Variants in MCTP1 observed in about 807,000 individuals in gnomAD.
The protein encoded by MCTP1 is multiple C2 and transmembrane domain-containing protein 1.
A neutral mutation model predicts 120.6 loss-of-function variants in MCTP1; 69 were observed. The ratio of observed to expected loss-of-function variants is 0.57; its 90% confidence interval spans 0.47 to 0.70. The LOEUF is 0.70. Ranked by LOEUF, MCTP1 falls within the 30% of genes least tolerant of loss-of-function variation. The probability of loss-of-function intolerance (pLI) is 0.00; values close to 1 mark genes in which losing one functional copy is unlikely to be tolerated. For missense variants in MCTP1, 1,203 were observed against 1,248.8 expected (o/e 0.96, Z 0.55); for synonymous variants, 529 against 493.1 (o/e 1.07, Z -0.96).
intron 1 of MCTP1, among the ~76,000 whole-genome samples, chr5:95,076,695 A>G (rs1181566209): frequency 2.6e-5 from 4 of 152,242 alleles, no homozygotes; most frequent in Non-Finnish European, 4.4e-5. Flanking sequence ...TGTATTTCAA[A>G]TAACACAACG....
intron 1 of MCTP1, among the ~76,000 whole-genome samples, chr5:95,146,591 C>G (rs1291006759): frequency 6.6e-6 from 1 of 152,070 alleles, no homozygotes; most frequent in Non-Finnish European, 1.5e-5. Flanking sequence ...TCTTTATTTT[C>G]ATTAATTTTA....
intron 17 of MCTP1, among the ~76,000 whole-genome samples, chr5:94,830,859 A>G (rs1258645857): frequency 6.6e-6 from 1 of 152,166 alleles, no homozygotes; most frequent in African/African-American, 2.4e-5. Flanking sequence ...GTGAATAAAC[A>G]CTGCATATAG....
intron 17 of MCTP1, among the ~76,000 whole-genome samples, chr5:94,855,891 T>C (rs1177662638): frequency 6.6e-6 from 1 of 151,508 alleles, no homozygotes; most frequent in African/African-American, 2.4e-5. Flanking sequence ...AGAATGATAT[T>C]TTACATAACA....
At chr5:94,944,196 A>T (rs1818399289) in intron 3 of MCTP1, among the ~76,000 whole-genome samples, 1 of 152,270 alleles carries the variant, frequency 6.6e-6, no homozygotes, top group South Asian at 2.1e-4. Context: ...TTAAGTAATA[A>T]GCTCCCTTAA....
chr5:94,913,754 G>GA (rs1309444982), intron 8 of MCTP1, among the ~76,000 whole-genome samples: 1 of 151,742 alleles, frequency 6.6e-6, no homozygotes, highest in Non-Finnish European at 1.5e-5. Context: ...ACCCAGGCTG[G>GA]AGTGCAGGGG....
chr5:94,999,609 T>C (rs1251565055), intron 2 of MCTP1, among the ~76,000 whole-genome samples: 4 of 152,174 alleles, frequency 2.6e-5, no homozygotes, highest in African/African-American at 7.2e-5. Context: ...TCAATTAAAA[T>C]TGATCCTCTT....
chr5:95,155,609 T>A (rs1745030669), intron 1 of MCTP1, among the ~76,000 whole-genome samples: 1 of 151,936 alleles, frequency 6.6e-6, no homozygotes, highest in South Asian at 2.1e-4. Context: ...AGAGTTACAA[T>A]CCAGTTTAGG....
chr5:95,121,729 G>A (rs1036572938), intron 1 of MCTP1, among the ~76,000 whole-genome samples: 4 of 151,936 alleles, frequency 2.6e-5, no homozygotes, highest in African/African-American at 9.6e-5. Context: ...TGGAAGAATC[G>A]TATTACCTGA....
At chr5:95,154,441 G>A (rs888196574) in intron 1 of MCTP1, among the ~76,000 whole-genome samples, 1 of 152,004 alleles carries the variant, frequency 6.6e-6, no homozygotes, top group South Asian at 2.1e-4. Flanking sequence ...GTGAAATAGA[G>A]GAATAGAATG....
chr5:95,186,839 C>G (rs562722311), intron 1 of MCTP1, among the ~76,000 whole-genome samples: 14 of 152,218 alleles, frequency 9.2e-5, no homozygotes, highest in Admixed American at 8.5e-4. Flanking sequence ...CAGAGAGAGC[C>G]ACAGAAGAGA....
intron 2 of MCTP1, among the ~76,000 whole-genome samples, chr5:95,005,505 GA>G (rs554137068): frequency 1.5e-3 from 233 of 152,238 alleles, no homozygotes; most frequent in Non-Finnish European, 2.8e-3. Context: ...TCCCAGTGTT[GA>G]AGGAGGGAGC....
At chr5:94,858,528 A>G (rs1795135438) in intron 17 of MCTP1, among the ~76,000 whole-genome samples, 1 of 151,454 alleles carries the variant, frequency 6.6e-6, no homozygotes, top group African/African-American at 2.4e-5. Flanking sequence ...CCAATTTTAC[A>G]CTCTTGGAAT....
Position 95,284,242 on chromosome 5 carries a change from C to G in MCTP1, c.334G>C (p.Ala112Pro), listed in dbSNP as rs1224439912. 5 of 1,585,512 alleles carry G rather than the reference C, an allele frequency of 3.2e-6. No homozygotes were observed. Among genetic ancestry groups the G allele is most frequent in the Admixed American group, 3.4e-5 (2 of 58,146 alleles). Residue 112 changes from alanine (A) to proline (P), a missense_variant, in exon 1 of 23, where the codon GCC becomes CCC. Around this residue, in one of 2 missense-constraint regions of MCTP1, gnomAD observed 463 missense variants for 377.8 expected, o/e 1.23. Transcript: ENST00000515393. This position sits in a 1 kb window ranked among gnomAD's most constrained non-coding sequence, Gnocchi z 5.2. ...SSPEPLEPGG[A>P]GRAEQGSTLR... ...GTGGACCCCTGCTCGGCTCTGCCGGCGCCGCCGGGCTCCAGGGGCTCCGGC... is the reference window on the plus strand; with the variant it reads ...GTGGACCCCTGCTCGGCTCTGCCGGGGCCGCCGGGCTCCAGGGGCTCCGGC...
At chr5:94,881,107 G>C (rs778575265) in intron 12 of MCTP1, among the ~76,000 whole-genome samples, 1 of 152,100 alleles carries the variant, frequency 6.6e-6, no homozygotes, top group Non-Finnish European at 1.5e-5. Flanking sequence ...ATGTGATTTA[G>C]GTTGCATGAA....
chr5:94,939,416 G>A (rs1269312964), intron 5 of MCTP1, among the ~76,000 whole-genome samples: 1 of 151,946 alleles, frequency 6.6e-6, no homozygotes, highest in African/African-American at 2.4e-5. Flanking sequence ...ATAATCTCTG[G>A]CAAGTTGTGA....
chr5:95,008,424 T>C (rs969531561), intron 2 of MCTP1, among the ~76,000 whole-genome samples: 2 of 152,162 alleles, frequency 1.3e-5, no homozygotes, highest in Admixed American at 1.3e-4. Context: ...AATGCACTGC[T>C]TGACACTCAC....
chr5:94,794,852 C>T (rs1381039500), intron 18 of MCTP1, among the ~76,000 whole-genome samples: 1 of 152,114 alleles, frequency 6.6e-6, no homozygotes, highest in African/African-American at 2.4e-5. Flanking sequence ...ATTAATGTGT[C>T]AGCTTGAAGG....
At chr5:95,197,881 T>C (rs1750570051) in intron 1 of MCTP1, among the ~76,000 whole-genome samples, 1 of 152,146 alleles carries the variant, frequency 6.6e-6, no homozygotes. Context: ...ATATAATCCG[T>C]GTACATTCTC....
chr5:94,960,050 T>C (rs1272301550), intron 2 of MCTP1, among the ~76,000 whole-genome samples: 1 of 152,152 alleles, frequency 6.6e-6, no homozygotes, highest in Non-Finnish European at 1.5e-5. Flanking sequence ...CAAAACAGCA[T>C]GGTACTGATA....
Sources: allele counts gnomAD v4.1 joint callset (sites outside exome capture counted in the v4.1 genomes callset), GRCh38; gene constraint gnomAD v4.1.1; regional missense constraint gnomAD v4.1.1; non-coding constraint Gnocchi (gnomAD v3.1); transcripts MANE v1.5; gene names NCBI Gene and HGNC (gene_info 2026-07-23, HGNC 2026-07-21).